DGKH: variants seen among roughly 807,000 people sequenced by gnomAD.
DGKH encodes diacylglycerol kinase eta.
A neutral mutation model predicts 159.3 loss-of-function variants in DGKH; 90 were observed. The ratio of observed to expected loss-of-function variants is 0.57; its 90% CI spans 0.48 to 0.67. The LOEUF (loss-of-function observed/expected upper bound fraction) is 0.67. Ranked by LOEUF, DGKH falls within the 30% of genes least tolerant of loss-of-function variation. DGKH has a pLI of 0.00. For missense variants in DGKH, 1,181 were observed against 1,506.1 expected, an observed-to-expected ratio of 0.78 and a Z score of 3.57; for synonymous variants, 536 against 553.8, an observed-to-expected ratio of 0.97 and a Z score of 0.45.
intron 17 of DGKH, among the ~76,000 whole-genome samples, chr13:42,198,203 T>C (rs1778818141): frequency 6.6e-6 from 1 of 152,196 alleles, no homozygotes; most frequent in Admixed American, 6.5e-5. Flanking sequence ...ATTATTGGGA[T>C]GGTAAATGAG....
chr13:42,229,386 C>T lies in DGKH; in HGVS notation c.*198C>T, dbSNP rs1958231677. 2 of 505,884 alleles carry T rather than the reference C, an allele frequency of 4.0e-6. No individual in the cohort carries two copies. Among genetic ancestry groups the T allele is most frequent in the African/African-American group, 2.0e-5 (1 of 48,898 alleles). 31.3% of individuals were successfully genotyped at this position (505,884 alleles called of 1,614,324 possible). On this transcript the variant is annotated 3_prime_UTR_variant, in exon 30 of 30. Transcript: ENST00000337343. ...TTTTTGTGCCGAACAATACATTCCA[C>T]AAAGCCATTTTCTTTTTGTGCAAAC...
chr13:42,215,606 C>G lies in DGKH; in HGVS notation c.3152C>G (p.Ala1051Gly), dbSNP rs746923928. 1 of 1,610,748 alleles carries G rather than the reference C, an allele frequency of 6.2e-7. No homozygotes were observed. The highest frequency in any genetic ancestry group is 1.1e-5 in the South Asian group (1 of 90,556). Residue 1051 changes from alanine (A) to glycine (G), a missense_variant, in exon 26 of 30, where the codon GCC becomes GGC. Ala to Gly is a moderately conservative substitution (Grantham distance 60). Transcript: ENST00000337343. ...ACAAGAGACACTGCCACTGAAATAG[C>G]CATCAATGTGAAGGCGCTGTATAAT... ...SLTRDTATEIAINVKALYNET... is the reference protein window; with the variant it reads ...SLTRDTATEIGINVKALYNET...
At chr13:42,070,973 C>T in intron 1 of DGKH, 2 of 1,315,732 alleles carry the variant, frequency 1.5e-6, no homozygotes, top group South Asian at 2.4e-5. Context: ...TTGTCACAAT[C>T]ATTGTCTACA....
rs546122394 is a variant in DGKH at position 42,199,329 on chromosome 13, A to T, written c.2286-237A>T. On this transcript the variant is annotated intron_variant, in intron 18 of 29. Transcript: ENST00000337343. The stretch of plus-strand genomic sequence containing the variant: ...CTAAGATTTTGTTACAGTTAGAGAA[A>T]ATCACACCATAACTGTGTGTCTTAC... Among the ~76,000 whole-genome samples, 3 of 152,306 alleles carry T rather than the reference A, an allele frequency of 2.0e-5. No individual in the cohort carries two copies. The East Asian group carries it at 5.8e-4, about 29-fold the overall frequency.
chr13:42,086,966 C>T (rs563051955), intron 1 of DGKH, among the ~76,000 whole-genome samples: 8 of 151,750 alleles, frequency 5.3e-5, no homozygotes, highest in East Asian at 3.9e-4. Context: ...TCTGCTGTGT[C>T]GGCCTGAGTC....
chr13:42,223,199 G>A (rs1000535241), intron 29 of DGKH, among the ~76,000 whole-genome samples: 2 of 152,132 alleles, frequency 1.3e-5, no homozygotes, highest in African/African-American at 2.4e-5. Context: ...ATTGTTCTCT[G>A]CGGTTGTAGC....
intron 3 of DGKH, among the ~76,000 whole-genome samples, chr13:42,131,430 C>T (rs1955288480): frequency 6.6e-6 from 1 of 152,150 alleles, no homozygotes; most frequent in East Asian, 1.9e-4. Context: ...AAGAGATCAG[C>T]ATTGAACGGG....
chr13:42,122,187 G>C (rs1288188855), intron 1 of DGKH, among the ~76,000 whole-genome samples: 1 of 152,210 alleles, frequency 6.6e-6, no homozygotes, highest in East Asian at 1.9e-4. Flanking sequence ...AGTGGAATGA[G>C]AGGGCATGAG....
chr13:42,189,433 A>G lies in DGKH; in HGVS notation c.1912+124A>G, dbSNP rs564046774. 4 of 1,282,180 alleles carry G rather than the reference A, an allele frequency of 3.1e-6. No individual in the cohort carries two copies. The South Asian group carries it at 6.2e-5, about 20-fold the overall frequency. The allele number at this position is 1,282,180 out of a possible 1,614,324, so 79.4% of individuals were successfully genotyped here. A position where few individuals can be genotyped will look rare whatever the true frequency, so the allele number is the denominator to read the frequency against. On this transcript the variant is annotated intron_variant, in intron 15 of 29. Transcript: ENST00000337343. ...AAATAAAATTTTTAAGGCAAGATAG[A>G]AGATACAGTCATTATAAGAAAACTT...
At chr13:42,053,244 A>G (rs1159213224) in intron 1 of DGKH, among the ~76,000 whole-genome samples, 2 of 151,890 alleles carry the variant, frequency 1.3e-5, no homozygotes, top group African/African-American at 2.4e-5. Context: ...TTTTTGGTGC[A>G]GCAAACCACC....
chr13:42,132,864 C>A (rs1230827698), intron 3 of DGKH, among the ~76,000 whole-genome samples: 1 of 152,012 alleles, frequency 6.6e-6, no homozygotes, highest in Non-Finnish European at 1.5e-5. Flanking sequence ...GAGTGAGACC[C>A]TGTCTAAAAA....
chr13:42,225,426 A>G, intron 29 of DGKH: 1 of 1,176,602 alleles, frequency 8.5e-7, no homozygotes, highest in Non-Finnish European at 1.2e-6. Context: ...ATATCTACAA[A>G]GCATGCTTTG....
Position 42,253,993 on chromosome 13 carries a change from CA to C in DGKH, n.4127+1528del, listed in dbSNP as rs199651278. ...AGCCTCAAAATTGGGAGTGGGTTAC[CA>C]AAAAAAAAAAAAAAAGTATATTAAT... On this transcript the variant is annotated intron_variant and non_coding_transcript_variant, in intron 30 of 30. Coordinates refer to the DGKH transcript ENST00000498255. Among the ~76,000 whole-genome samples, 1,010 of 104,964 alleles carry C rather than the reference CA, an allele frequency of 9.6e-3. 7 individuals carry two copies. The highest frequency in any genetic ancestry group is 0.017 in the African/African-American group (528 of 30,514). 68.9% of individuals were successfully genotyped at this position (104,964 alleles called of 152,430 possible).
intron 12 of DGKH, among the ~76,000 whole-genome samples, chr13:42,175,783 A>G (rs536094800): frequency 6.6e-6 from 1 of 152,330 alleles, no homozygotes; most frequent in South Asian, 2.1e-4. Context: ...TAGGCCCTGA[A>G]CTAGGCTGGC....
chr13:42,092,891 A>G (rs1954447769), intron 1 of DGKH, among the ~76,000 whole-genome samples: 1 of 152,188 alleles, frequency 6.6e-6, no homozygotes, highest in Non-Finnish European at 1.5e-5. Flanking sequence ...ACAACAATGC[A>G]AAAGTACAAA....
Position 42,210,773 on chromosome 13 carries a change from GC to G in DGKH, c.3014+9del, listed in dbSNP as rs1226896729. ...AGAGGAGCTCATTACTAGGTAGGGGGCTCTGCTGACTTTTCAGGCTGTGGGA... is the reference window on the plus strand; with the variant it reads ...AGAGGAGCTCATTACTAGGTAGGGGGTCTGCTGACTTTTCAGGCTGTGGGA... On this transcript the variant is annotated intron_variant, in intron 24 of 29. Coordinates refer to ENST00000337343, the MANE Select transcript of DGKH (RefSeq NM_178009.5). The G allele has an allele frequency of 1.2e-6, 2 of 1,604,480 alleles. No homozygotes were observed. The highest frequency in any genetic ancestry group is 8.5e-7 in the Non-Finnish European group (1 of 1,177,024).
At chr13:42,184,197 C>T (rs1956848535) in intron 13 of DGKH, among the ~76,000 whole-genome samples, 1 of 152,170 alleles carries the variant, frequency 6.6e-6, no homozygotes, top group African/African-American at 2.4e-5. Context: ...AAATCATCTT[C>T]AGTTTCAAAT....
At chr13:42,135,913 A>G (rs1318226308) in intron 3 of DGKH, among the ~76,000 whole-genome samples, 2 of 152,136 alleles carry the variant, frequency 1.3e-5, no homozygotes, top group Non-Finnish European at 2.9e-5. Context: ...TAATCATGAT[A>G]TGTCTATCCC....
Position 42,219,303 on chromosome 13 carries a change from C to T in DGKH, c.3287C>T (p.Thr1096Ile). The T allele has an allele frequency of 6.2e-7, 1 of 1,613,914 alleles. No individual in the cohort carries two copies. Among genetic ancestry groups the T allele is most frequent in the Non-Finnish European group, 8.5e-7 (1 of 1,179,898 alleles). ...HSVEVELQKL[T>I]EIPWLYYILH... ...GTGGAGGTGGAATTACAGAAACTGACAGAGATTCCTTGGCTTTATTATATC... is the reference window on the plus strand; with the variant it reads ...GTGGAGGTGGAATTACAGAAACTGATAGAGATTCCTTGGCTTTATTATATC... Residue 1096 changes from threonine to isoleucine, a missense_variant, in exon 27 of 30, where the codon ACA becomes ATA. Coordinates refer to ENST00000337343, the MANE Select transcript of DGKH (RefSeq NM_178009.5).
Sources: allele counts gnomAD v4.1 joint callset (sites outside exome capture counted in the v4.1 genomes callset), GRCh38; gene constraint gnomAD v4.1.1; transcripts MANE v1.5; gene names NCBI Gene and HGNC (gene_info 2026-07-23, HGNC 2026-07-21).